ATRNL1: variants seen among roughly 807,000 people sequenced by gnomAD.
The protein encoded by ATRNL1 is attractin-like protein 1.
A neutral mutation model predicts 182.7 loss-of-function variants in ATRNL1; 95 were observed. The ratio of observed to expected loss-of-function variants is 0.52; its 90% CI spans 0.44 to 0.62. The LOEUF is 0.62. Among genes scored for constraint, ATRNL1 ranks in the 20% least tolerant of loss-of-function variants. ATRNL1 has a pLI of 0.00. For synonymous variants in ATRNL1, 576 were observed against 568.3 expected (o/e 1.01, Z -0.19); for missense variants, 1,471 against 1,679.5 (o/e 0.88, Z 2.17).
At chr10:115,379,699 A>T (rs1427478133) in intron 19 of ATRNL1, among the ~76,000 whole-genome samples, 1 of 152,198 alleles carries the variant, frequency 6.6e-6, no homozygotes, top group Middle Eastern at 3.2e-3. Context: ...AGTTTCCTTT[A>T]TTCCCTGCAG....
intron 18 of ATRNL1, among the ~76,000 whole-genome samples, chr10:115,320,302 C>A (rs1465819926): frequency 6.6e-6 from 1 of 152,008 alleles, no homozygotes; most frequent in African/African-American, 2.4e-5. Context: ...GTGACCTGGT[C>A]TTTTTGTCTG....
At chr10:115,601,667 A>G (rs560689147) in intron 26 of ATRNL1, among the ~76,000 whole-genome samples, 73 of 152,072 alleles carry the variant, frequency 4.8e-4, no homozygotes, top group Non-Finnish European at 7.2e-4. Context: ...TATTTTTATG[A>G]TATTAATGGA....
At chr10:115,648,787 G>A (rs1555033522) in intron 26 of ATRNL1, among the ~76,000 whole-genome samples, 1 of 152,180 alleles carries the variant, frequency 6.6e-6, no homozygotes, top group Non-Finnish European at 1.5e-5. Flanking sequence ...ATGTGGCCCT[G>A]AAATTTAATA....
At chr10:115,620,123 T>C in intron 26 of ATRNL1, among the ~76,000 whole-genome samples, 1 of 152,236 alleles carries the variant, frequency 6.6e-6, no homozygotes, top group East Asian at 1.9e-4. Flanking sequence ...CATCTGCTTC[T>C]GGTAAAGCCT....
At chr10:115,670,129 C>T (rs1945649361) in intron 26 of ATRNL1, among the ~76,000 whole-genome samples, 1 of 152,026 alleles carries the variant, frequency 6.6e-6, no homozygotes, top group East Asian at 1.9e-4. Context: ...TAACACTGTA[C>T]ATGTTAATGT....
chr10:115,431,079 C>T (rs969124680), intron 21 of ATRNL1, among the ~76,000 whole-genome samples: 3 of 152,026 alleles, frequency 2.0e-5, no homozygotes, highest in Non-Finnish European at 4.4e-5. Context: ...CACTGACGCT[C>T]AATGTTTAGA....
chr10:115,276,135 G>A (rs957509057), intron 13 of ATRNL1, among the ~76,000 whole-genome samples: 2 of 152,036 alleles, frequency 1.3e-5, no homozygotes, highest in Non-Finnish European at 2.9e-5. Context: ...CACAGTAGAT[G>A]TCTTTTCACT....
intron 26 of ATRNL1, among the ~76,000 whole-genome samples, chr10:115,686,215 A>G (rs1946214626): frequency 1.3e-5 from 2 of 152,142 alleles, no homozygotes; most frequent in South Asian, 4.1e-4. Flanking sequence ...TTAATGCCAC[A>G]CTGTAAGCAA....
chr10:115,208,722 C>G (rs1554894352), intron 8 of ATRNL1, among the ~76,000 whole-genome samples: 1 of 152,002 alleles, frequency 6.6e-6, no homozygotes, highest in Non-Finnish European at 1.5e-5. Context: ...TTTCCATAGC[C>G]TTAAGTAGTT....
chr10:115,841,382 T>G (rs918721162), intron 27 of ATRNL1, among the ~76,000 whole-genome samples: 7 of 152,110 alleles, frequency 4.6e-5, no homozygotes, highest in Non-Finnish European at 8.8e-5. Context: ...TGGGTACATA[T>G]GAGTGTGTGT....
chr10:115,628,193 G>T (rs1592972104), intron 26 of ATRNL1, among the ~76,000 whole-genome samples: 1 of 151,516 alleles, frequency 6.6e-6, no homozygotes, highest in East Asian at 1.9e-4. Context: ...CCATTTTATA[G>T]TATTTCCACC....
chr10:115,275,377 A>G (rs144841220), intron 13 of ATRNL1, among the ~76,000 whole-genome samples: 15 of 152,306 alleles, frequency 9.8e-5, no homozygotes, highest in Admixed American at 9.2e-4. Context: ...AGCATCTGGT[A>G]CTGATACTGA....
At chr10:115,415,034 G>A (rs942595978) in intron 20 of ATRNL1, among the ~76,000 whole-genome samples, 2 of 151,920 alleles carry the variant, frequency 1.3e-5, no homozygotes, top group African/African-American at 2.4e-5. Flanking sequence ...TAATATTGGA[G>A]GTTTTTCTTA....
At chr10:115,146,063 A>T (rs1792065956) in intron 5 of ATRNL1, among the ~76,000 whole-genome samples, 2 of 151,786 alleles carry the variant, frequency 1.3e-5, no homozygotes, top group Admixed American at 1.3e-4. Context: ...TTTTCTGGTT[A>T]TTAGACTTCT....
At chr10:115,677,864 G>A (rs112748273) in intron 26 of ATRNL1, among the ~76,000 whole-genome samples, 247 of 152,112 alleles carry the variant, frequency 1.6e-3, no homozygotes, top group African/African-American at 5.5e-3. Flanking sequence ...GGTATCAGTG[G>A]CTTGGCATAT....
intron 26 of ATRNL1, among the ~76,000 whole-genome samples, chr10:115,725,240 C>T (rs1266648756): frequency 6.6e-6 from 1 of 152,110 alleles, no homozygotes; most frequent in African/African-American, 2.4e-5. Flanking sequence ...TTTAAATATA[C>T]TTTCGCATTC....
chr10:115,936,798 AG>A (rs1371324527), intron 28 of ATRNL1, among the ~76,000 whole-genome samples: 1 of 152,190 alleles, frequency 6.6e-6, no homozygotes, highest in Non-Finnish European at 1.5e-5. Flanking sequence ...GTCAAGTATC[AG>A]AATTGTTGGG....
chr10:115,530,345 G>T (rs1049795676), intron 25 of ATRNL1, among the ~76,000 whole-genome samples: 1 of 152,034 alleles, frequency 6.6e-6, no homozygotes, highest in African/African-American at 2.4e-5. Context: ...TTACCAGCAA[G>T]GATCAGACAT....
At chr10:115,538,408 A>G (rs1325394211) in intron 25 of ATRNL1, among the ~76,000 whole-genome samples, 1 of 152,158 alleles carries the variant, frequency 6.6e-6, no homozygotes, top group Non-Finnish European at 1.5e-5. Context: ...GTGTAGTGGT[A>G]TCTTGTGGTA....
Sources: gnomAD v4.1 joint callset for allele counts (sites outside exome capture counted in the v4.1 genomes callset) on GRCh38, gnomAD v4.1.1 for gene constraint, MANE v1.5 for transcripts, NCBI Gene and HGNC (gene_info 2026-07-23, HGNC 2026-07-21) for gene names.